VPS13B: variants seen among roughly 807,000 people sequenced by gnomAD.
The protein encoded by VPS13B is vacuolar protein sorting 13 homolog B.
Under a neutral mutation model 426.4 loss-of-function variants are expected in VPS13B, and 285 were observed. The observed-to-expected ratio is 0.67, with a 90% confidence interval of 0.61 to 0.74. The LOEUF is 0.74. Ranked by LOEUF, VPS13B falls within the 30% of genes least tolerant of loss-of-function variation. The probability of loss-of-function intolerance (pLI) is 0.00; values close to 1 mark genes in which losing one functional copy is unlikely to be tolerated. For synonymous variants in VPS13B, 1,676 were observed against 1,676.4 expected (o/e 1.00, Z 0.01); for missense variants, 4,537 against 4,782.6 (o/e 0.95, Z 1.51).
In VPS13B at chr8:99,173,568, T is replaced by C. The variant is rs557777378; in HGVS notation, c.2333+3405T>C. 2.6e-5 allele frequency among the ~76,000 whole-genome samples: 4 copies of C among 152,306 alleles called. No individual in the cohort carries two copies. In the South Asian group the frequency reaches 6.2e-4, roughly 24 times the overall value. ...TGGAGATAGATCTTCCTTCCAAAAC[T>C]GTGTTCATCAGTCTGGTTTTGTGAT... On this transcript the variant is annotated intron_variant, in intron 16 of 61. Transcript: ENST00000357162.
At chr8:99,447,118 A>G (rs1368796845) in intron 23 of VPS13B, among the ~76,000 whole-genome samples, 1 of 152,078 alleles carries the variant, frequency 6.6e-6, no homozygotes, top group South Asian at 2.1e-4. Context: ...TTTCTGTGCT[A>G]CTTATTTTCC....
chr8:99,588,833 A>G (rs914869360), intron 33 of VPS13B, among the ~76,000 whole-genome samples: 1 of 151,842 alleles, frequency 6.6e-6, no homozygotes, highest in Non-Finnish European at 1.5e-5. Context: ...TGCCTTGGCC[A>G]GAACTTCCAA....
intron 19 of VPS13B, among the ~76,000 whole-genome samples, chr8:99,307,344 A>C (rs1820696386): frequency 1.3e-5 from 2 of 152,004 alleles, no homozygotes; most frequent in South Asian, 4.2e-4. Context: ...GTTAAAAATT[A>C]CTGTCCTCAG....
chr8:99,464,200 CTG>C (rs2133500430), intron 23 of VPS13B, among the ~76,000 whole-genome samples: 1 of 152,170 alleles, frequency 6.6e-6, no homozygotes, highest in East Asian at 1.9e-4. Flanking sequence ...AGAGAAAAAA[CTG>C]GGAGAAGAGG....
At chr8:99,874,830 T>G (rs989895635) in intron 61 of VPS13B, among the ~76,000 whole-genome samples, 2 of 152,206 alleles carry the variant, frequency 1.3e-5, no homozygotes, top group Non-Finnish European at 2.9e-5. Flanking sequence ...CCATAAAAAT[T>G]TCCCCTTCCG....
At chr8:99,801,113 A>G (rs1466431440) in intron 43 of VPS13B, among the ~76,000 whole-genome samples, 1 of 152,090 alleles carries the variant, frequency 6.6e-6, no homozygotes. Flanking sequence ...GTGTTTATTG[A>G]TGATTGATGC....
chr8:99,602,639 G>A (rs979382773), intron 33 of VPS13B, among the ~76,000 whole-genome samples: 9 of 152,158 alleles, frequency 5.9e-5, no homozygotes, highest in Admixed American at 2.0e-4. Flanking sequence ...AAACCCCATT[G>A]TCTCAGCCCA....
chr8:99,417,751 A>G (rs1402339882), intron 21 of VPS13B, among the ~76,000 whole-genome samples: 1 of 151,208 alleles, frequency 6.6e-6, no homozygotes, highest in Non-Finnish European at 1.5e-5. Flanking sequence ...TTATCTCTCT[A>G]CTTCTTTTCT....
intron 19 of VPS13B, among the ~76,000 whole-genome samples, chr8:99,327,032 T>C (rs1374973874): frequency 6.6e-6 from 1 of 152,204 alleles, no homozygotes; most frequent in Admixed American, 6.5e-5. Context: ...ACCCTCCACC[T>C]AGTACAAAGA....
At chr8:99,665,208 C>T (rs1044483821) in intron 35 of VPS13B, among the ~76,000 whole-genome samples, 1 of 152,024 alleles carries the variant, frequency 6.6e-6, no homozygotes, top group Non-Finnish European at 1.5e-5. Flanking sequence ...ATTGTAGATT[C>T]TGGATATTAG....
chr8:99,624,610 A>T (rs1177194889), intron 33 of VPS13B, among the ~76,000 whole-genome samples: 1 of 152,162 alleles, frequency 6.6e-6, no homozygotes, highest in Non-Finnish European at 1.5e-5. Flanking sequence ...CACTGTCTTT[A>T]CAGTGTTAAG....
chr8:99,040,858 G>A (rs534329825), intron 3 of VPS13B, among the ~76,000 whole-genome samples: 4 of 152,194 alleles, frequency 2.6e-5, no homozygotes, highest in East Asian at 3.9e-4. Flanking sequence ...AATCAGATAA[G>A]ATCATTCCAA....
intron 40 of VPS13B, among the ~76,000 whole-genome samples, chr8:99,772,045 G>A (rs1054566035): frequency 2.6e-5 from 4 of 152,166 alleles, no homozygotes; most frequent in African/African-American, 7.2e-5. Context: ...CTCTGTATAC[G>A]AAGTCCTCCA....
At position 99,861,760 on chromosome 8, in the gene VPS13B, G is replaced by C; in HGVS notation, c.11045-16G>C. ...TATGCGACAAGGAGGCTAACCCCAT[G>C]CTCTTGTTCCCTCAGGTACCCTCAC... On this transcript the variant is annotated splice_polypyrimidine_tract_variant and intron_variant, in intron 57 of 61. Transcript: ENST00000357162. 1 of 1,587,282 alleles carries C rather than the reference G, an allele frequency of 6.3e-7. No individual in the cohort carries two copies. Among genetic ancestry groups the C allele is most frequent in the Non-Finnish European group, 8.6e-7 (1 of 1,166,312 alleles).
intron 54 of VPS13B, among the ~76,000 whole-genome samples, chr8:99,841,730 A>G (rs1412853572): frequency 6.6e-6 from 1 of 152,088 alleles, no homozygotes; most frequent in Non-Finnish European, 1.5e-5. Flanking sequence ...ACCAGCTTCT[A>G]TCAGAAATAT....
chr8:99,505,132 C>T (rs1488469227), intron 27 of VPS13B, among the ~76,000 whole-genome samples: 1 of 152,222 alleles, frequency 6.6e-6, no homozygotes, highest in Non-Finnish European at 1.5e-5. Flanking sequence ...TAGGGTCTTG[C>T]TCTGGATTTA....
At chr8:99,471,921 A>T (rs996541380) in intron 24 of VPS13B, among the ~76,000 whole-genome samples, 2 of 152,186 alleles carry the variant, frequency 1.3e-5, no homozygotes, top group African/African-American at 2.4e-5. Flanking sequence ...GTGGGAAGTA[A>T]AACAAGATGC....
chr8:99,804,497 G>A (rs1340558475), intron 43 of VPS13B, among the ~76,000 whole-genome samples: 1 of 152,122 alleles, frequency 6.6e-6, no homozygotes, highest in African/African-American at 2.4e-5. Flanking sequence ...AATTGGGGAC[G>A]GAGTGACTGC....
At chr8:99,033,488 T>C (rs952914721) in intron 2 of VPS13B, among the ~76,000 whole-genome samples, 25 of 152,232 alleles carry the variant, frequency 1.6e-4, no homozygotes, top group African/African-American at 5.8e-4. Context: ...TAGTGAATTT[T>C]TTATTTTGTT....
Sources: allele counts gnomAD v4.1 joint callset (sites outside exome capture counted in the v4.1 genomes callset), GRCh38; gene constraint gnomAD v4.1.1; transcripts MANE v1.5; gene names NCBI Gene and HGNC (gene_info 2026-07-23, HGNC 2026-07-21).